The following CCDC6 variants were observed in gnomAD, a reference collection of about 807,000 sequenced individuals.
CCDC6 encodes coiled-coil domain-containing protein 6.
Under a neutral mutation model 56.6 loss-of-function variants are expected in CCDC6, and 20 were observed. The observed-to-expected ratio is 0.35, with a 90% confidence interval of 0.25 to 0.51. The LOEUF is 0.51. CCDC6 is among the 20% of genes least tolerant of loss of function. CCDC6 has a pLI of 0.95. For missense variants in CCDC6, 367 were observed against 601.1 expected (o/e 0.61, Z 4.07); for synonymous variants, 241 against 234.4 (o/e 1.03, Z -0.26).
At chr10:59,814,409 A>G (rs774812122) in intron 4 of CCDC6, among the ~76,000 whole-genome samples, 1 of 152,244 alleles carries the variant, frequency 6.6e-6, no homozygotes, top group Non-Finnish European at 1.5e-5. Context: ...TAATTCTCTC[A>G]TAGCCTTGTA....
chr10:59,799,356 G>T (rs142522979), intron 7 of CCDC6, among the ~76,000 whole-genome samples: 2,034 of 152,094 alleles, frequency 0.013, 53 homozygotes, highest in African/African-American at 0.047. Flanking sequence ...AACCCAGGAG[G>T]CGGAGGTTGC....
chr10:59,835,883 C>T (rs1056929568), intron 2 of CCDC6, among the ~76,000 whole-genome samples: 1 of 151,970 alleles, frequency 6.6e-6, no homozygotes, highest in East Asian at 1.9e-4. Context: ...CAGAGTGAGG[C>T]TCTGTCTCTA....
intron 7 of CCDC6, among the ~76,000 whole-genome samples, chr10:59,795,562 T>C (rs966147585): frequency 2.0e-5 from 3 of 151,774 alleles, no homozygotes; most frequent in African/African-American, 4.8e-5. Flanking sequence ...CATGCTGGTG[T>C]GCTGCACCCA....
intron 1 of CCDC6, among the ~76,000 whole-genome samples, chr10:59,857,476 C>CA (rs1233046397): frequency 6.6e-6 from 1 of 152,194 alleles, no homozygotes; most frequent in Non-Finnish European, 1.5e-5. Flanking sequence ...AAACCCTTCA[C>CA]AATAGCACTC....
chr10:59,800,996 T>C (rs1045937867), intron 7 of CCDC6, among the ~76,000 whole-genome samples: 5 of 152,058 alleles, frequency 3.3e-5, no homozygotes, highest in Admixed American at 2.0e-4. Flanking sequence ...CTAAGCAATA[T>C]AAAACAAGAT....
intron 7 of CCDC6, 28 bp from the exon 8 acceptor site, chr10:59,794,625 A>AT (rs1422432564): frequency 8.1e-6 from 13 of 1,610,130 alleles, no homozygotes; most frequent in African/African-American, 1.3e-5. Flanking sequence ...ATTAAGTATC[A>AT]TTTTAAGCTC....
chr10:59,812,999 C>T (rs1352955887), intron 4 of CCDC6, among the ~76,000 whole-genome samples: 2 of 152,200 alleles, frequency 1.3e-5, no homozygotes, highest in Admixed American at 6.5e-5. Context: ...TGATTCTAAT[C>T]TCCCTTTTTC....
intron 2 of CCDC6, among the ~76,000 whole-genome samples, chr10:59,841,168 C>T (rs1328417627): frequency 6.6e-6 from 1 of 152,208 alleles, no homozygotes; most frequent in Admixed American, 6.5e-5. Context: ...CTAACCACAC[C>T]AGTCTGTCTG....
chr10:59,869,191 A>C (rs1177484088), intron 1 of CCDC6, among the ~76,000 whole-genome samples: 2 of 152,002 alleles, frequency 1.3e-5, no homozygotes, highest in Non-Finnish European at 2.9e-5. Context: ...AAAGTCTTCC[A>C]GTTAAGTGCA....
chr10:59,821,461 T>C (rs1274262315), intron 3 of CCDC6, among the ~76,000 whole-genome samples: 3 of 152,188 alleles, frequency 2.0e-5, no homozygotes, highest in Non-Finnish European at 4.4e-5. Context: ...CCTTGCATTC[T>C]GGAAAACTGT....
At chr10:59,825,113 T>C (rs936670267) in intron 3 of CCDC6, among the ~76,000 whole-genome samples, 2 of 152,218 alleles carry the variant, frequency 1.3e-5, no homozygotes, top group African/African-American at 2.4e-5. Flanking sequence ...TCACACTACC[T>C]GTGAATTTAA....
At chr10:59,800,845 A>AAGTCTTTGC (rs1384860916) in intron 7 of CCDC6, among the ~76,000 whole-genome samples, 1 of 152,180 alleles carries the variant, frequency 6.6e-6, no homozygotes, top group African/African-American at 2.4e-5. Context: ...GTTTTACATC[A>AAGTCTTTGC]AGTCTTTGCT....
At chr10:59,820,531 C>A (rs900292877) in intron 3 of CCDC6, among the ~76,000 whole-genome samples, 6 of 152,042 alleles carry the variant, frequency 3.9e-5, no homozygotes, top group Non-Finnish European at 7.4e-5. Flanking sequence ...ATAAATAGAA[C>A]ACAGTTTGCC....
In CCDC6 at chr10:59,806,853, A is replaced by T; in HGVS notation, c.1004+69T>A. The T allele has an allele frequency of 6.6e-6, 10 of 1,507,390 alleles. No individual in the cohort carries two copies. In the South Asian group the frequency reaches 1.2e-4, roughly 19 times the overall value. 93.4% of individuals were successfully genotyped at this position (1,507,390 alleles called of 1,614,324 possible). A position where few individuals can be genotyped will look rare whatever the true frequency, so the allele number is the denominator to read the frequency against. On this transcript the variant is annotated intron_variant, in intron 6 of 8. Transcript: ENST00000263102. ...CCCTTATACACCTAACAGGATACCA[A>T]AGAAAACCTCTGTAGAACCTGGGTT...
chr10:59,887,786 C>T (rs1472675835), intron 1 of CCDC6, among the ~76,000 whole-genome samples: 2 of 152,104 alleles, frequency 1.3e-5, no homozygotes, highest in Admixed American at 1.3e-4. Flanking sequence ...ATGCCCTTTG[C>T]TTGTAAGTGC....
Position 59,832,509 on chromosome 10 carries a change from A to T in CCDC6, c.582+16T>A, listed in dbSNP as rs760497775. 1.2e-6 allele frequency: 2 copies of T among 1,604,310 alleles called. No individual in the cohort carries two copies. Among genetic ancestry groups the T allele is most frequent in the Non-Finnish European group, 1.7e-6 (2 of 1,176,182 alleles). ...ACGAGAAAATACAATGTAAAGGAAG[A>T]GCTACAGGTGCTTACCTGTTCTAAT... On this transcript the variant is annotated intron_variant, in intron 3 of 8. Transcript: ENST00000263102.
At chr10:59,808,503 T>C (rs1460469729) in intron 5 of CCDC6, among the ~76,000 whole-genome samples, 1 of 152,250 alleles carries the variant, frequency 6.6e-6, no homozygotes, top group Non-Finnish European at 1.5e-5. Flanking sequence ...AAATGTGGTG[T>C]CTACCCATCT....
intron 1 of CCDC6, among the ~76,000 whole-genome samples, chr10:59,856,063 G>A (rs2071078735): frequency 6.6e-6 from 1 of 152,232 alleles, no homozygotes; most frequent in South Asian, 2.1e-4. Context: ...GGTGCAGCCT[G>A]TTAAAATCTG....
intron 1 of CCDC6, among the ~76,000 whole-genome samples, chr10:59,883,634 C>T (rs1005226733): frequency 2.0e-5 from 3 of 152,170 alleles, no homozygotes; most frequent in African/African-American, 7.2e-5. Context: ...AAATCCTATC[C>T]AACTGGACCA....
Sources: gnomAD v4.1 joint callset for allele counts (sites outside exome capture counted in the v4.1 genomes callset) on GRCh38, gnomAD v4.1.1 for gene constraint, MANE v1.5 for transcripts, NCBI Gene and HGNC (gene_info 2026-07-23, HGNC 2026-07-21) for gene names.